KAZN: variants seen among roughly 807,000 people sequenced by gnomAD.
KAZN encodes kazrin, periplakin interacting protein.
In KAZN, 40 loss-of-function variants were observed where a neutral mutation model predicts 87.4. The ratio of observed to expected loss-of-function variants is 0.46; its 90% CI spans 0.36 to 0.60. The LOEUF (loss-of-function observed/expected upper bound fraction) is 0.60, where lower values mean the gene tolerates loss of function less well. Among genes scored for constraint, KAZN ranks in the 20% least tolerant of loss-of-function variants. The probability of loss-of-function intolerance (pLI) is 0.00; values close to 1 mark genes in which losing one functional copy is unlikely to be tolerated. For missense variants in KAZN, 898 were observed against 1,073.9 expected, an observed-to-expected ratio of 0.84 and a Z score of 2.29; for synonymous variants, 466 against 458.3, an observed-to-expected ratio of 1.02 and a Z score of -0.22.
chr1:15,106,049 G>A (rs1206996361), intron 13 of KAZN, among the ~76,000 whole-genome samples: 1 of 152,124 alleles, frequency 6.6e-6, no homozygotes, highest in Non-Finnish European at 1.5e-5. Context: ...GGAGGCGGAG[G>A]CAGGAGGATT....
intron 1 of KAZN, among the ~76,000 whole-genome samples, chr1:14,827,650 G>A (rs374170272): frequency 1.1e-4 from 17 of 152,328 alleles, no homozygotes; most frequent in Admixed American, 2.6e-4. Context: ...AGGAGCCCTC[G>A]AAGCAGGCCC....
chr1:14,322,665 A>G (rs1274522354), intron 2 of KAZN, among the ~76,000 whole-genome samples: 1 of 152,188 alleles, frequency 6.6e-6, no homozygotes, highest in East Asian at 1.9e-4. Context: ...ACAAAGATTT[A>G]TTTCTCATTC....
chr1:14,055,191 T>A (rs1427013658), intron 1 of KAZN, among the ~76,000 whole-genome samples: 1 of 152,216 alleles, frequency 6.6e-6, no homozygotes, highest in Non-Finnish European at 1.5e-5. Flanking sequence ...TGTTTCCTTA[T>A]CTATAAAATA....
intron 2 of KAZN, among the ~76,000 whole-genome samples, chr1:14,393,347 T>A (rs1662615828): frequency 6.6e-6 from 1 of 152,228 alleles, no homozygotes; most frequent in Admixed American, 6.5e-5. Flanking sequence ...GCTATATTGC[T>A]ATTATCATCA....
intron 2 of KAZN, among the ~76,000 whole-genome samples, chr1:14,494,146 G>A (rs949218753): frequency 5.3e-5 from 8 of 152,160 alleles, no homozygotes; most frequent in Non-Finnish European, 7.4e-5. Context: ...CCCATCCAGG[G>A]CTGAGCACTG....
rs755184804 is a variant in KAZN, at chr1:14,920,517, C to T, written c.227-40167C>T. ...CAAATCCCCCCTTCCTGCTGCCCCA[C>T]GGAGGCTGGACACAGTGTGCCCTGG... On this transcript the variant is annotated intron_variant, in intron 1 of 14. Coordinates refer to ENST00000376030, the MANE Select transcript of KAZN (RefSeq NM_201628.3). Among the ~76,000 whole-genome samples the T allele has an allele frequency of 5.9e-5, 9 of 152,150 alleles. No individual in the cohort carries two copies. The East Asian group carries it at 7.7e-4, about 13-fold the overall frequency.
chr1:14,420,052 A>G (rs888919153), intron 2 of KAZN, among the ~76,000 whole-genome samples: 1 of 151,980 alleles, frequency 6.6e-6, no homozygotes, highest in Admixed American at 6.5e-5. Flanking sequence ...TTTTACAGAG[A>G]GCTGATTGGT....
intron 2 of KAZN, among the ~76,000 whole-genome samples, chr1:14,301,140 A>C (rs2100779710): frequency 6.6e-6 from 1 of 152,302 alleles, no homozygotes; most frequent in South Asian, 2.1e-4. Context: ...AGGGAGTTAC[A>C]CACCCAGACC....
At chr1:14,466,769 C>T (rs56201826) in intron 2 of KAZN, among the ~76,000 whole-genome samples, 152 of 151,940 alleles carry the variant, frequency 1.0e-3, no homozygotes, top group Non-Finnish European at 1.5e-3. Context: ...GAGATGGAGA[C>T]CATCCTGGCT....
chr1:14,592,431 C>T (rs1199486379), intron 2 of KAZN, among the ~76,000 whole-genome samples: 2 of 152,204 alleles, frequency 1.3e-5, no homozygotes, highest in Admixed American at 1.3e-4. Flanking sequence ...AACTTCATGA[C>T]GCATCAGATT....
chr1:14,451,535 C>T (rs149851598), intron 2 of KAZN, among the ~76,000 whole-genome samples: 142 of 151,588 alleles, frequency 9.4e-4, no homozygotes, highest in African/African-American at 2.8e-3. Context: ...AGAAACAGAA[C>T]CCACCTATGT....
intron 1 of KAZN, among the ~76,000 whole-genome samples, chr1:14,124,929 A>T (rs1421144492): frequency 2.0e-5 from 3 of 152,208 alleles, no homozygotes. Flanking sequence ...ACAGCAAACA[A>T]GTAAGTGAAT....
chr1:14,628,402 A>G (rs1166919594), intron 1 of KAZN, among the ~76,000 whole-genome samples: 1 of 152,240 alleles, frequency 6.6e-6, no homozygotes, highest in Non-Finnish European at 1.5e-5. Context: ...AAAAATTTAG[A>G]TAAAGCCCAA....
Position 14,293,538 on chromosome 1 carries a change from G to A in KAZN, c.249+112946G>A, listed in dbSNP as rs149872743. Among the ~76,000 whole-genome samples the A allele has an allele frequency of 2.3e-3, 351 of 152,156 alleles. 1 individual carries two copies. Among genetic ancestry groups the A allele is most frequent in the African/African-American group, 7.8e-3 (325 of 41,506 alleles). ...GATCACGACCCATTTGGAAGATACC[G>A]ACATTGTGCCTTTCCTTCTTTGTGA... On this transcript the variant is annotated intron_variant, in intron 2 of 16. Coordinates refer to the KAZN transcript ENST00000636203.
chr1:14,336,034 C>T (rs1373845997), intron 2 of KAZN, among the ~76,000 whole-genome samples: 1 of 152,172 alleles, frequency 6.6e-6, no homozygotes, highest in Non-Finnish European at 1.5e-5. Context: ...GAGGGAAGTG[C>T]TGGGTATATT....
chr1:14,801,616 C>T (rs1409435100), intron 1 of KAZN, among the ~76,000 whole-genome samples: 1 of 152,164 alleles, frequency 6.6e-6, no homozygotes, highest in Non-Finnish European at 1.5e-5. Flanking sequence ...CCTGCTCCGA[C>T]ACAGACTGCT....
In KAZN at chr1:14,773,906, A is replaced by T. The variant is rs1373975515; in HGVS notation, c.226+174683A>T. Among the ~76,000 whole-genome samples the T allele has an allele frequency of 6.6e-6, 1 of 152,206 alleles. No homozygotes were observed. Among genetic ancestry groups the T allele is most frequent in the African/African-American group, 2.4e-5 (1 of 41,458 alleles). On this transcript the variant is annotated intron_variant, in intron 1 of 14. Coordinates refer to ENST00000376030, the MANE Select transcript of KAZN (RefSeq NM_201628.3). The surrounding 1 kb of genome is among the most constrained non-coding windows in gnomAD (Gnocchi z 5.9). ...GGAAGCTTGAAGGAAACAGGCAGGG[A>T]AGACCTGTCAACACTAATTAGAAAA...
intron 1 of KAZN, among the ~76,000 whole-genome samples, chr1:14,771,716 C>T (rs1645024798): frequency 1.3e-5 from 2 of 151,504 alleles, no homozygotes; most frequent in Non-Finnish European, 2.9e-5. Flanking sequence ...ATCCTAGCTA[C>T]TCGTGTGGCT....
chr1:14,130,045 A>T (rs979441161), intron 1 of KAZN, among the ~76,000 whole-genome samples: 2 of 152,238 alleles, frequency 1.3e-5, no homozygotes, highest in African/African-American at 4.8e-5. Flanking sequence ...AGATTCAGAA[A>T]CCCTAATCAA....
Sources: gnomAD v4.1 joint callset for allele counts (sites outside exome capture counted in the v4.1 genomes callset) on GRCh38, gnomAD v4.1.1 for gene constraint, Gnocchi (gnomAD v3.1) non-coding constraint, MANE v1.5 for transcripts, NCBI Gene and HGNC (gene_info 2026-07-23, HGNC 2026-07-21) for gene names.